CNTN4: variants seen among roughly 807,000 people sequenced by gnomAD.
CNTN4 encodes contactin-4.
Under a neutral mutation model 122.5 loss-of-function variants are expected in CNTN4, and 77 were observed. That is an observed-to-expected ratio of 0.63 (90% CI 0.52 to 0.76). CNTN4 has a LOEUF of 0.76. CNTN4 is among the 30% of genes least tolerant of loss of function. The pLI, the probability that CNTN4 is intolerant of heterozygous loss-of-function variation, is 0.00. For synonymous variants in CNTN4, 512 were observed against 447.0 expected (o/e 1.15, Z -1.83); for missense variants, 1,256 against 1,259.1 (o/e 1.00, Z 0.04).
At position 2,992,912 on chromosome 3, in the gene CNTN4, G is replaced by A. The variant is rs918935959; in HGVS notation, c.1486+4440G>A. Among the ~76,000 whole-genome samples the A allele has an allele frequency of 2.6e-5, 4 of 151,912 alleles. No individual in the cohort carries two copies. The South Asian group carries it at 6.2e-4, about 24-fold the overall frequency. On this transcript the variant is annotated intron_variant, in intron 14 of 24. Transcript: ENST00000418658. Reference sequence around the variant, plus strand: ...TGCATATTAGAAGTGCAGATCTCCTGGGCCTCACTCCTACCCTAACAAATC... The same window carrying A: ...TGCATATTAGAAGTGCAGATCTCCTAGGCCTCACTCCTACCCTAACAAATC...
intron 11 of CNTN4, among the ~76,000 whole-genome samples, chr3:2,901,845 A>C (rs536102413): frequency 6.6e-6 from 1 of 152,302 alleles, no homozygotes; most frequent in African/African-American, 2.4e-5. Context: ...GGGGGTACAG[A>C]GGCAATTATG....
At position 2,545,892 on chromosome 3, in the gene CNTN4, G is replaced by A. The variant is rs1036043982; in HGVS notation, c.-88-25524G>A. On this transcript the variant is annotated intron_variant, in intron 3 of 24. Coordinates refer to ENST00000418658, the MANE Select transcript of CNTN4 (RefSeq NM_175607.3). The stretch of plus-strand genomic sequence containing the variant: ...CTTTTCAAAAGAAGACATACAGTAT[G>A]CAGCTAACAACCTTATGAAAAAATG... Among the ~76,000 whole-genome samples, 13 of 151,936 alleles carry A rather than the reference G, an allele frequency of 8.6e-5. 1 individual carries two copies. The highest frequency in any genetic ancestry group is 3.1e-4 in the African/African-American group (13 of 41,360).
chr3:2,502,775 A>G (rs912293864), intron 3 of CNTN4, among the ~76,000 whole-genome samples: 1 of 152,162 alleles, frequency 6.6e-6, no homozygotes, highest in Non-Finnish European at 1.5e-5. Context: ...TGAGGACACG[A>G]CTAATAAATT....
chr3:2,242,970 A>G (rs535348856), intron 2 of CNTN4, among the ~76,000 whole-genome samples: 7 of 152,136 alleles, frequency 4.6e-5, no homozygotes, highest in Non-Finnish European at 1.0e-4. Context: ...CTGATCTGTA[A>G]CATTTCTTCT....
intron 4 of CNTN4, among the ~76,000 whole-genome samples, chr3:2,733,825 C>G (rs562529439): frequency 6.6e-6 from 1 of 152,010 alleles, no homozygotes; most frequent in East Asian, 1.9e-4. Context: ...TGAGCCACCG[C>G]GCCTGGCCAT....
chr3:2,125,005 A>G (rs2034051172), intron 2 of CNTN4, among the ~76,000 whole-genome samples: 1 of 152,176 alleles, frequency 6.6e-6, no homozygotes, highest in Admixed American at 6.5e-5. Flanking sequence ...TTAAGTGCAT[A>G]AAACAGTGTT....
intron 2 of CNTN4, among the ~76,000 whole-genome samples, chr3:2,236,400 ACGT>A (rs1205118459): frequency 8.5e-5 from 13 of 152,320 alleles, no homozygotes; most frequent in South Asian, 8.3e-4. Context: ...AGTCTAAATG[ACGT>A]CATGTGTGTG....
intron 7 of CNTN4, among the ~76,000 whole-genome samples, chr3:2,843,695 G>A (rs1177282407): frequency 1.3e-5 from 2 of 152,054 alleles, no homozygotes; most frequent in South Asian, 2.1e-4. Context: ...TGAAGTGCCC[G>A]CTCCTGCTTC....
At chr3:3,000,053 T>C (rs1433538465) in intron 14 of CNTN4, among the ~76,000 whole-genome samples, 1 of 152,178 alleles carries the variant, frequency 6.6e-6, no homozygotes, top group Non-Finnish European at 1.5e-5. Flanking sequence ...TACATCTTAA[T>C]AGTGATAAAA....
intron 2 of CNTN4, among the ~76,000 whole-genome samples, chr3:2,219,677 A>G (rs2038985328): frequency 6.6e-6 from 1 of 152,158 alleles, no homozygotes; most frequent in Non-Finnish European, 1.5e-5. Flanking sequence ...TTTTGTTTTA[A>G]TTATGACAAG....
intron 2 of CNTN4, among the ~76,000 whole-genome samples, chr3:2,333,253 G>C (rs948854616): frequency 6.6e-5 from 10 of 152,152 alleles, no homozygotes; most frequent in African/African-American, 2.2e-4. Flanking sequence ...TCAAGACCCA[G>C]AAATTAGACT....
At chr3:2,562,401 T>C (rs1176333322) in intron 3 of CNTN4, among the ~76,000 whole-genome samples, 1 of 152,102 alleles carries the variant, frequency 6.6e-6, no homozygotes, top group Admixed American at 6.6e-5. Flanking sequence ...GTTCTACTAG[T>C]CCCCAGGGTC....
At chr3:2,494,839 T>A (rs942756681) in intron 3 of CNTN4, among the ~76,000 whole-genome samples, 5 of 152,192 alleles carry the variant, frequency 3.3e-5, no homozygotes, top group Admixed American at 1.3e-4. Context: ...CAGTTGTGCC[T>A]GAATTCCAAA....
At chr3:2,211,901 A>T (rs4685498) in intron 2 of CNTN4, among the ~76,000 whole-genome samples, 8,389 of 152,220 alleles carry the variant, frequency 0.055, 322 homozygotes, top group Non-Finnish European at 0.082. Context: ...CCCTACATTA[A>T]TTTCTGTTGT....
chr3:3,044,071 T>A (rs1275491613), intron 23 of CNTN4, among the ~76,000 whole-genome samples: 1 of 152,202 alleles, frequency 6.6e-6, no homozygotes, highest in Non-Finnish European at 1.5e-5. Context: ...CTCCTGATAT[T>A]ACCAATGATT....
intron 3 of CNTN4, among the ~76,000 whole-genome samples, chr3:2,380,473 T>A (rs1411429790): frequency 6.6e-6 from 1 of 152,194 alleles, no homozygotes; most frequent in African/African-American, 2.4e-5. Flanking sequence ...ACAGGTGAGA[T>A]TTGGTATGAA....
chr3:2,886,550 C>T (rs1238261528), intron 9 of CNTN4, among the ~76,000 whole-genome samples: 5 of 136,302 alleles, frequency 3.7e-5, no homozygotes, highest in African/African-American at 5.6e-5. Flanking sequence ...CTCGCTCTGT[C>T]GCCCAGGCTG....
intron 5 of CNTN4, among the ~76,000 whole-genome samples, chr3:2,742,772 A>G (rs78688635): frequency 0.012 from 1,795 of 152,290 alleles, 29 homozygotes; most frequent in African/African-American, 0.041. Flanking sequence ...CCTCTATATT[A>G]CCAACACTTA....
rs76168091 is a variant in CNTN4 at position 2,559,567 on chromosome 3, C to G, written c.-88-11849C>G. Among the ~76,000 whole-genome samples, 840 of 148,482 alleles carry G rather than the reference C, an allele frequency of 5.7e-3. 8 individuals are homozygous for G. The highest frequency in any genetic ancestry group is 0.019 in the African/African-American group (786 of 40,316). ...TTGTAACTGACCCATAGTAAGTACT[C>G]AAGAAAAAAAGAAAAAGGTTGTCAT... On this transcript the variant is annotated intron_variant, in intron 3 of 24. Coordinates refer to ENST00000418658, the MANE Select transcript of CNTN4 (RefSeq NM_175607.3).
Sources: gnomAD v4.1 joint callset for allele counts (sites outside exome capture counted in the v4.1 genomes callset) on GRCh38, gnomAD v4.1.1 for gene constraint, MANE v1.5 for transcripts, NCBI Gene and HGNC (gene_info 2026-07-23, HGNC 2026-07-21) for gene names.